Variants in CHRNA3 observed in about 807,000 individuals in gnomAD.
CHRNA3 encodes the protein cholinergic receptor nicotinic alpha 3 subunit.
In CHRNA3, 34 loss-of-function variants were observed where a neutral mutation model predicts 41.9. The observed-to-expected ratio is 0.81, with a 90% confidence interval of 0.62 to 1.08. CHRNA3 has a LOEUF of 1.08. Among genes scored for constraint, CHRNA3 ranks in the 50% least tolerant of loss-of-function variants. The pLI, the probability that CHRNA3 is intolerant of heterozygous loss-of-function variation, is 0.00. For missense variants in CHRNA3, 542 were observed against 638.3 expected (o/e 0.85, Z 1.63); for synonymous variants, 281 against 265.2 (o/e 1.06, Z -0.58).
At position 78,601,339 on chromosome 15, in the gene CHRNA3, A is replaced by G. The variant is rs1276137032; in HGVS notation, c.1303T>C (p.Ser435Pro). 6.2e-7 allele frequency: 1 copy of G among 1,614,228 alleles called. No individual in the cohort carries two copies. Among genetic ancestry groups the G allele is most frequent in the South Asian group, 1.1e-5 (1 of 91,082 alleles). ...SESVDAVLSL[S>P]ALSPEIKEAI... ...TCTTTGATTTCTGGTGACAAAGCAG[A>G]GAGGGACAGCACAGCATCAACAGAT... Residue 435 changes from serine to proline, a missense_variant, in exon 5 of 6, where the codon TCT (serine) becomes CCT (proline). Coordinates refer to ENST00000326828, the MANE Select transcript of CHRNA3 (RefSeq NM_000743.5).
At chr15:78,616,674 A>C (rs2053467393) in intron 4 of CHRNA3, among the ~76,000 whole-genome samples, 5 of 151,466 alleles carry the variant, frequency 3.3e-5, no homozygotes, top group Admixed American at 2.6e-4. Flanking sequence ...CCCATGACAT[A>C]CTCTCCTGCC....
At chr15:78,609,750 G>A (rs2053353384) in intron 4 of CHRNA3, among the ~76,000 whole-genome samples, 1 of 152,098 alleles carries the variant, frequency 6.6e-6, no homozygotes, top group African/African-American at 2.4e-5. Context: ...AATGTAAATG[G>A]GCTAAATGCT....
At position 78,620,877 on chromosome 15, in the gene CHRNA3, C is replaced by A; in HGVS notation, c.-83G>T. ...AGAGACGGCCTCTCCCCGCGCGGCTCCAGCGCAGACCCCAGACCTGGAGCC... is the reference window on the plus strand; with the variant it reads ...AGAGACGGCCTCTCCCCGCGCGGCTACAGCGCAGACCCCAGACCTGGAGCC... On this transcript the variant is annotated 5_prime_UTR_variant, in exon 1 of 6. Coordinates refer to ENST00000326828, the MANE Select transcript of CHRNA3 (RefSeq NM_000743.5). The A allele has an allele frequency of 2.3e-6, 3 of 1,306,034 alleles. No individual in the cohort carries two copies. The South Asian group carries it at 6.8e-5, about 30-fold the overall frequency. The allele number at this position is 1,306,034 out of a possible 1,614,324, so 80.9% of individuals were successfully genotyped here.
intron 5 of CHRNA3, among the ~76,000 whole-genome samples, chr15:78,597,868 A>G (rs2053137614): frequency 6.6e-6 from 1 of 152,208 alleles, no homozygotes; most frequent in Admixed American, 6.5e-5. Context: ...TGGCGCTGGG[A>G]GATGAAGATT....
At chr15:78,620,639 C>A in intron 1 of CHRNA3, 74 bp downstream of exon 1, 1 of 1,463,102 alleles carries the variant, frequency 6.8e-7, no homozygotes, top group Non-Finnish European at 9.0e-7. Flanking sequence ...GGTGTTCTCG[C>A]CGGCAGCCCC....
At chr15:78,610,892 A>AC (rs1231336509) in intron 4 of CHRNA3, among the ~76,000 whole-genome samples, 1 of 152,232 alleles carries the variant, frequency 6.6e-6, no homozygotes, top group Non-Finnish European at 1.5e-5. Context: ...AGGGGATATC[A>AC]CCACCGATCC....
chr15:78,601,326 G>A lies in CHRNA3; in HGVS notation c.1316C>T (p.Pro439Leu). The A allele has an allele frequency of 6.2e-7, 1 of 1,614,172 alleles. No individual in the cohort carries two copies. Among genetic ancestry groups the A allele is most frequent in the Non-Finnish European group, 8.5e-7 (1 of 1,180,024 alleles). ...DAVLSLSALS[P>L]EIKEAIQSVK... ...ACTTTGGATGGCTTCTTTGATTTCT[G>A]GTGACAAAGCAGAGAGGGACAGCAC... The change falls in exon 5 of 6, where the codon CCA becomes CTA. Residue 439 changes from proline to leucine, a missense_variant. Coordinates refer to ENST00000326828, the MANE Select transcript of CHRNA3 (RefSeq NM_000743.5).
intron 4 of CHRNA3, among the ~76,000 whole-genome samples, chr15:78,611,187 T>C (rs1041198782): frequency 2.6e-5 from 4 of 152,040 alleles, no homozygotes; most frequent in South Asian, 2.1e-4. Context: ...TTCCAATCAA[T>C]AGAAAAAGAG....
intron 3 of CHRNA3, chr15:78,618,261 T>G: frequency 3.3e-5 from 8 of 242,086 alleles, no homozygotes; most frequent in African/African-American, 4.5e-5. Context: ...AAAAACTGAG[T>G]TTTTAGCAAG....
downstream of CHRNA3, chr15:78,595,012 G>GAGATCACAAACACCTCA (rs1379827343): frequency 6.6e-6 from 1 of 152,224 alleles, no homozygotes; most frequent in Non-Finnish European, 1.5e-5. Flanking sequence ...CTTAGCTGTT[G>GAGATCACAAACACCTCA]AGATCACAAA....
rs770067033 is a variant in CHRNA3 at position 78,601,293 on chromosome 15, TAC to T, written c.1347_1348del (p.Ile451CysfsTer2). 10 of 1,614,100 alleles carry T rather than the reference TAC, an allele frequency of 6.2e-6. No individual in the cohort carries two copies. The highest frequency in any genetic ancestry group is 1.3e-5 in the African/African-American group (1 of 74,936). On this transcript the variant is annotated frameshift_variant, in exon 5 of 6. Coordinates refer to ENST00000326828, the MANE Select transcript of CHRNA3 (RefSeq NM_000743.5). LOFTEE classifies it high-confidence loss of function. Reference sequence around the variant, plus strand: ...TTGTGCTTTCATATTTTCAGCAATATACTTGACACTTTGGATGGCTTCTTTGA... The same window carrying T: ...TTGTGCTTTCATATTTTCAGCAATATTTGACACTTTGGATGGCTTCTTTGA...
intron 4 of CHRNA3, among the ~76,000 whole-genome samples, chr15:78,610,340 G>A (rs2141336584): frequency 6.6e-6 from 1 of 152,244 alleles, no homozygotes; most frequent in South Asian, 2.1e-4. Context: ...GCACTCCTCA[G>A]CAAATGTAAA....
chr15:78,608,974 G>A (rs1459740083), intron 4 of CHRNA3, among the ~76,000 whole-genome samples: 1 of 152,206 alleles, frequency 6.6e-6, no homozygotes, highest in Non-Finnish European at 1.5e-5. Flanking sequence ...CTGGAAGAAA[G>A]GGTATCAGTG....
rs75031374 is a variant in CHRNA3 at position 78,596,227 on chromosome 15, T to C, written c.*377A>G. 1,853 of 987,486 alleles carry C rather than the reference T, an allele frequency of 1.9e-3. 4 individuals carry two copies. The highest frequency in any genetic ancestry group is 2.1e-3 in the Non-Finnish European group (1,751 of 831,354). 61.2% of individuals were successfully genotyped at this position (987,486 alleles called of 1,614,324 possible). ...AGATTATGGGCTAAATAAGAAAAAT[T>C]ACTGGGAGATCTGTAGTGATAACTG... On this transcript the variant is annotated 3_prime_UTR_variant, in exon 6 of 6. Coordinates refer to ENST00000326828, the MANE Select transcript of CHRNA3 (RefSeq NM_000743.5).
Position 78,601,693 on chromosome 15 carries a change from AG to A in CHRNA3, c.948del (p.Leu317CysfsTer26), listed in dbSNP as rs759881803. 9 of 1,614,040 alleles carry A rather than the reference AG, an allele frequency of 5.6e-6. No homozygotes were observed. Among genetic ancestry groups the A allele is most frequent in the Non-Finnish European group, 5.1e-6 (6 of 1,180,036 alleles). On this transcript the variant is annotated frameshift_variant, in exon 5 of 6. Transcript: ENST00000326828. LOFTEE classifies it high-confidence loss of function. ...ACGAAGACGGTGATGACGATGGACA[AG>A]GTTACAAAAATCATGGTGAACAGGA... ...EYLLFTMIFV[T>X]LSIVITVFVL...
chr15:78,616,984 C>T, intron 4 of CHRNA3, 40 bp downstream of exon 4: 1 of 1,454,780 alleles, frequency 6.9e-7, no homozygotes, highest in South Asian at 1.2e-5. Context: ...AGAGCCCAGG[C>T]TGACAGCCCT....
Position 78,596,116 on chromosome 15 carries a change from C to A in CHRNA3, c.*488G>T. On this transcript the variant is annotated 3_prime_UTR_variant, in exon 6 of 6. Coordinates refer to ENST00000326828, the MANE Select transcript of CHRNA3 (RefSeq NM_000743.5). ...GAAGCTCTCTGAAATGGAGGCATAG[C>A]CCTTTAGACCCAGTAAAGAACGAGA... 1 of 985,338 alleles carries A rather than the reference C, an allele frequency of 1.0e-6. No individual in the cohort carries two copies. The highest frequency in any genetic ancestry group is 1.2e-6 in the Non-Finnish European group (1 of 829,894). The allele number at this position is 985,338 out of a possible 1,614,324, so 61.0% of individuals were successfully genotyped here. A position where few individuals can be genotyped will look rare whatever the true frequency, so the allele number is the denominator to read the frequency against.
intron 4 of CHRNA3, among the ~76,000 whole-genome samples, chr15:78,608,854 T>G (rs2053339012): frequency 6.6e-6 from 1 of 151,950 alleles, no homozygotes; most frequent in African/African-American, 2.4e-5. Flanking sequence ...GACAAATGGA[T>G]AACTAGAATA....
intron 4 of CHRNA3, among the ~76,000 whole-genome samples, chr15:78,614,972 C>A (rs1314121730): frequency 3.9e-5 from 6 of 152,086 alleles, no homozygotes; most frequent in Non-Finnish European, 7.4e-5. Context: ...AGAGGAGAGG[C>A]CTCCCAAAAC....
Sources: gnomAD v4.1 joint callset for allele counts (sites outside exome capture counted in the v4.1 genomes callset) on GRCh38, gnomAD v4.1.1 for gene constraint, MANE v1.5 for transcripts, NCBI Gene and HGNC (gene_info 2026-07-23, HGNC 2026-07-21) for gene names.